ABR: variants seen among roughly 807,000 people sequenced by gnomAD.
ABR encodes the protein ABR activator of RhoGEF and GTPase.
Under a neutral mutation model 107.2 loss-of-function variants are expected in ABR, and 35 were observed. The ratio of observed to expected loss-of-function variants is 0.33; its 90% CI spans 0.25 to 0.43. ABR has a LOEUF of 0.43. ABR is among the 20% of genes least tolerant of loss of function. The probability of loss-of-function intolerance (pLI) is 1.00; values close to 1 mark genes in which losing one functional copy is unlikely to be tolerated. For missense variants in ABR, 815 were observed against 1,115.2 expected (o/e 0.73, Z 3.83); for synonymous variants, 498 against 462.0 (o/e 1.08, Z -1.00).
chr17:1,039,081 G>A (rs188022915), intron 16 of ABR, among the ~76,000 whole-genome samples: 17 of 152,266 alleles, frequency 1.1e-4, no homozygotes, highest in Admixed American at 4.6e-4. Flanking sequence ...CTGGGAGCCC[G>A]GCACCCAGAG....
chr17:1,069,934 TC>T (rs775008702), intron 9 of ABR, 34 bp downstream of exon 9: 1 of 295,436 alleles, frequency 3.4e-6, no homozygotes, highest in Non-Finnish European at 5.7e-6. Flanking sequence ...CCGGACCCCC[TC>T]CCCCGCCCCG....
At chr17:1,180,809 C>T (rs2042109918), upstream of ABR, among the ~76,000 whole-genome samples, 1 of 152,224 alleles carries the variant, frequency 6.6e-6, no homozygotes, top group Non-Finnish European at 1.5e-5. Context: ...TTGGGGGCCC[C>T]ATGCCTGTCT....
chr17:1,085,846 T>A (rs1419070555), intron 4 of ABR, among the ~76,000 whole-genome samples: 1 of 152,164 alleles, frequency 6.6e-6, no homozygotes, highest in Non-Finnish European at 1.5e-5. Flanking sequence ...TTTTTACTTT[T>A]AAAAATGTGG....
At chr17:1,226,738 A>G (rs528346689) in intron 1 of ABR, among the ~76,000 whole-genome samples, 4 of 137,272 alleles carry the variant, frequency 2.9e-5, no homozygotes, top group African/African-American at 1.2e-4. Flanking sequence ...TGTGTCACGT[A>G]TATACATGTG....
At chr17:1,095,601 A>G (rs780977120) in intron 3 of ABR, among the ~76,000 whole-genome samples, 3 of 152,152 alleles carry the variant, frequency 2.0e-5, no homozygotes, top group Non-Finnish European at 4.4e-5. Context: ...GTCCTGCTGC[A>G]GGGACAAGGG....
At chr17:1,028,936 G>T (rs369448841) in intron 16 of ABR, among the ~76,000 whole-genome samples, 4 of 152,080 alleles carry the variant, frequency 2.6e-5, no homozygotes, top group African/African-American at 9.6e-5. Context: ...GATGCTGCGG[G>T]GGCAGGGTGG....
chr17:1,094,270 G>A (rs143426940), intron 3 of ABR, among the ~76,000 whole-genome samples: 193 of 152,310 alleles, frequency 1.3e-3, no homozygotes, highest in African/African-American at 4.3e-3. Flanking sequence ...CCTGGGCTTC[G>A]TGTCACCAGC....
intron 16 of ABR, among the ~76,000 whole-genome samples, chr17:1,046,491 G>A (rs530648695): frequency 1.2e-4 from 18 of 152,272 alleles, no homozygotes; most frequent in Admixed American, 4.6e-4. Context: ...GGCTGGTCTC[G>A]AACTCCTGAC....
chr17:1,129,548 A>G (rs1415563893), intron 1 of ABR, among the ~76,000 whole-genome samples: 2 of 152,112 alleles, frequency 1.3e-5, no homozygotes, highest in Non-Finnish European at 2.9e-5. Flanking sequence ...ACAAAAACAA[A>G]AACAAGAACA....
At chr17:1,153,911 G>A (rs1444185357) in intron 1 of ABR, 1 of 186,902 alleles carries the variant, frequency 5.4e-6, no homozygotes. Context: ...TCACTGGTTT[G>A]AAGCCTGGTG....
At chr17:1,023,521 GC>G (rs2071897756) in intron 16 of ABR, among the ~76,000 whole-genome samples, 1 of 148,272 alleles carries the variant, frequency 6.7e-6, no homozygotes, top group Non-Finnish European at 1.5e-5. Context: ...GGGCAGTGGG[GC>G]CCTCTTGAGA....
At chr17:1,074,194 C>T (rs564576492) in intron 6 of ABR, among the ~76,000 whole-genome samples, 6 of 146,300 alleles carry the variant, frequency 4.1e-5, no homozygotes, top group Admixed American at 1.4e-4. Flanking sequence ...GAGTCTAGCA[C>T]ACCTGCCACA....
At chr17:1,049,677 T>C (rs995738376) in intron 16 of ABR, among the ~76,000 whole-genome samples, 7 of 152,026 alleles carry the variant, frequency 4.6e-5, no homozygotes, top group African/African-American at 1.7e-4. Context: ...CCCCCGTCAA[T>C]GGCAGACACG....
At chr17:1,025,797 C>T (rs1054513652) in intron 16 of ABR, among the ~76,000 whole-genome samples, 5 of 152,258 alleles carry the variant, frequency 3.3e-5, no homozygotes, top group East Asian at 1.9e-4. Context: ...CATTTGTTGA[C>T]GGACTCCTCC....
chr17:1,106,971 G>A (rs897725345), intron 2 of ABR, among the ~76,000 whole-genome samples: 1 of 152,260 alleles, frequency 6.6e-6, no homozygotes, highest in African/African-American at 2.4e-5. Context: ...CCTAACCTGA[G>A]AGTGTTTGTT....
chr17:1,168,476 G>A lies in ABR; in HGVS notation c.61+11191C>T, dbSNP rs538808133. On this transcript the variant is annotated intron_variant, in intron 1 of 22. Coordinates refer to ENST00000302538, the MANE Select transcript of ABR (RefSeq NM_021962.5). The stretch of plus-strand genomic sequence containing the variant: ...TTAGATCCTTGGAGCACAGAGCTTT[G>A]CAGGATGGTGAGAGGCCTTACTGGC... Among the ~76,000 whole-genome samples, 4 of 152,310 alleles carry A rather than the reference G, an allele frequency of 2.6e-5. No homozygotes were observed. In the East Asian group the frequency reaches 7.7e-4, roughly 29 times the overall value.
chr17:1,033,441 C>G (rs2072954964), intron 16 of ABR, among the ~76,000 whole-genome samples: 1 of 152,216 alleles, frequency 6.6e-6, no homozygotes, highest in African/African-American at 2.4e-5. Context: ...GCTACGTGTC[C>G]AAGGCCAGGA....
intron 2 of ABR, among the ~76,000 whole-genome samples, chr17:1,109,525 C>G (rs2038523346): frequency 6.6e-6 from 1 of 151,448 alleles, no homozygotes; most frequent in South Asian, 2.1e-4. Flanking sequence ...GGAGGAGGAG[C>G]GAGGAGGCCG....
chr17:1,082,515 T>A (rs935956971), intron 5 of ABR, among the ~76,000 whole-genome samples: 5 of 148,866 alleles, frequency 3.4e-5, no homozygotes, highest in Admixed American at 3.3e-4. Flanking sequence ...AGCACGCGTG[T>A]TCCTGGCCAG....
Sources: gnomAD v4.1 joint callset for allele counts (sites outside exome capture counted in the v4.1 genomes callset) on GRCh38, gnomAD v4.1.1 for gene constraint, MANE v1.5 for transcripts, NCBI Gene and HGNC (gene_info 2026-07-23, HGNC 2026-07-21) for gene names.